The following ENTREP2 variants were observed in gnomAD, a reference collection of about 807,000 sequenced individuals.
ENTREP2 encodes the protein protein ENTREP2.
chr15:29,258,212 CAAAAAAA>C, the ENTREP2 span, among the ~76,000 whole-genome samples: 1 of 118,330 alleles, frequency 8.5e-6, no homozygotes, highest in Non-Finnish European at 1.7e-5. Flanking sequence ...GGCTCAGTCT[CAAAAAAA>C]AAAAAAAAAA....
At chr15:29,355,811 G>C in the ENTREP2 span, among the ~76,000 whole-genome samples, 13 of 152,310 alleles carry the variant, frequency 8.5e-5, no homozygotes, top group Admixed American at 5.9e-4. Flanking sequence ...GAACGTAAGA[G>C]AGCTGAAGTC....
At chr15:29,531,328 C>G in the ENTREP2 span, among the ~76,000 whole-genome samples, 1 of 152,202 alleles carries the variant, frequency 6.6e-6, no homozygotes, top group Non-Finnish European at 1.5e-5. Flanking sequence ...ACACGCCAGA[C>G]TTTCAAACTA....
chr15:29,182,856 C>CA, the ENTREP2 span, among the ~76,000 whole-genome samples: 1 of 152,026 alleles, frequency 6.6e-6, no homozygotes, highest in East Asian at 1.9e-4. Context: ...AAAGAGCCCT[C>CA]AGAAATAGAC....
the ENTREP2 span, among the ~76,000 whole-genome samples, chr15:29,503,700 A>C: frequency 6.6e-6 from 1 of 152,244 alleles, no homozygotes; most frequent in African/African-American, 2.4e-5. Context: ...TAGAGAAAAT[A>C]AAATTATAAA....
chr15:29,330,567 C>G, the ENTREP2 span, among the ~76,000 whole-genome samples: 4 of 152,110 alleles, frequency 2.6e-5, no homozygotes, highest in African/African-American at 7.2e-5. Context: ...TAACACTGAC[C>G]AGTACTGCTC....
chr15:29,141,952 G>T, the ENTREP2 span, among the ~76,000 whole-genome samples: 1 of 152,282 alleles, frequency 6.6e-6, no homozygotes, highest in East Asian at 1.9e-4. Context: ...TGTTCATTAT[G>T]ACTGTAATTG....
the ENTREP2 span, among the ~76,000 whole-genome samples, chr15:29,249,169 G>C: frequency 3.9e-5 from 6 of 152,314 alleles, no homozygotes; most frequent in East Asian, 9.7e-4. Flanking sequence ...TTAGCTGGGC[G>C]TGGTGGCCCA....
the ENTREP2 span, among the ~76,000 whole-genome samples, chr15:29,413,389 ATG>A: frequency 2.0e-5 from 3 of 152,106 alleles, no homozygotes; most frequent in Admixed American, 1.3e-4. Context: ...CTCCATTTTT[ATG>A]TGTTTTTTCT....
chr15:29,470,082 T>G, the ENTREP2 span, among the ~76,000 whole-genome samples: 1 of 152,144 alleles, frequency 6.6e-6, no homozygotes, highest in African/African-American at 2.4e-5. Context: ...TTTCTTTAAA[T>G]CACTAAAAGG....
At chr15:29,155,294 A>C in the ENTREP2 span, among the ~76,000 whole-genome samples, 1 of 150,798 alleles carries the variant, frequency 6.6e-6, no homozygotes, top group African/African-American at 2.4e-5. Context: ...AAAAAGAAAA[A>C]AAAAAAAAAG....
the ENTREP2 span, among the ~76,000 whole-genome samples, chr15:29,565,897 T>C: frequency 4.0e-4 from 61 of 150,788 alleles, 2 homozygotes; most frequent in East Asian, 0.011. Flanking sequence ...GGAGGCGGAG[T>C]TTGCAGTGAG....
chr15:29,332,992 G>A, the ENTREP2 span, among the ~76,000 whole-genome samples: 525 of 151,688 alleles, frequency 3.5e-3, 5 homozygotes, highest in African/African-American at 0.012. Flanking sequence ...TTTATACTCG[G>A]ACTTTAAGCA....
chr15:29,264,165 A>AAAAAAAAAAAAAAAAAT, the ENTREP2 span, among the ~76,000 whole-genome samples: 1 of 148,600 alleles, frequency 6.7e-6, no homozygotes, highest in Non-Finnish European at 1.5e-5. Flanking sequence ...AAAAAAAAAA[A>AAAAAAAAAAAAAAAAAT]GAACTCCCTC....
chr15:29,126,795 G>A, the ENTREP2 span, among the ~76,000 whole-genome samples: 2 of 152,220 alleles, frequency 1.3e-5, no homozygotes, highest in African/African-American at 2.4e-5. Flanking sequence ...AACAGGGCCA[G>A]TGCAGGGGTA....
chr15:29,290,305 C>T, the ENTREP2 span, among the ~76,000 whole-genome samples: 1 of 152,194 alleles, frequency 6.6e-6, no homozygotes, highest in Non-Finnish European at 1.5e-5. Context: ...CAGGGCTCTG[C>T]ACGGGTTGTC....
chr15:29,374,186 AC>A, the ENTREP2 span: 1 of 152,192 alleles, frequency 6.6e-6, no homozygotes, highest in Admixed American at 6.5e-5. Context: ...AAAAATATGT[AC>A]AAGCAATTCA....
the ENTREP2 span, among the ~76,000 whole-genome samples, chr15:29,318,000 A>C: frequency 6.6e-6 from 1 of 152,202 alleles, no homozygotes; most frequent in African/African-American, 2.4e-5. Flanking sequence ...ATGTCCACCG[A>C]AACATGGCTC....
chr15:29,349,138 A>G, the ENTREP2 span, among the ~76,000 whole-genome samples: 1 of 152,210 alleles, frequency 6.6e-6, no homozygotes, highest in South Asian at 2.1e-4. Context: ...TCACACATGC[A>G]CACAACTCCC....
At chr15:29,636,414 G>C in the ENTREP2 span, among the ~76,000 whole-genome samples, 2 of 152,214 alleles carry the variant, frequency 1.3e-5, no homozygotes, top group African/African-American at 4.8e-5. Flanking sequence ...ATCAAAGGAG[G>C]AGGAACCCGT....
Sources: gnomAD v4.1 joint callset for allele counts (sites outside exome capture counted in the v4.1 genomes callset) on GRCh38, gnomAD v4.1.1 for gene constraint, MANE v1.5 for transcripts, NCBI Gene and HGNC (gene_info 2026-07-23, HGNC 2026-07-21) for gene names.